Variants in CATSPER2 observed in about 807,000 individuals in gnomAD.
CATSPER2 encodes the protein cation channel sperm-associated protein 2.
Under a neutral mutation model 68.8 loss-of-function variants are expected in CATSPER2, and 56 were observed. The ratio of observed to expected loss-of-function variants is 0.81; its 90% confidence interval spans 0.66 to 1.02. The LOEUF (loss-of-function observed/expected upper bound fraction) is 1.02. Among genes scored for constraint, CATSPER2 ranks in the 50% least tolerant of loss-of-function variants. The probability of loss-of-function intolerance (pLI) is 0.00; values close to 1 mark genes in which losing one functional copy is unlikely to be tolerated. For missense variants in CATSPER2, 582 were observed against 642.0 expected, an observed-to-expected ratio of 0.91 and a Z score of 1.01; for synonymous variants, 198 against 229.9, an observed-to-expected ratio of 0.86 and a Z score of 1.26.
Position 43,630,458 on chromosome 15 carries a change from G to A in CATSPER2, c.*243C>T. 2.2e-5 allele frequency: 16 copies of A among 727,674 alleles called. No homozygotes were observed. In the South Asian group the frequency reaches 2.8e-4, roughly 13 times the overall value. 45.1% of individuals were successfully genotyped at this position (727,674 alleles called of 1,614,324 possible). ...CAACCTCTGACTCCCAGGTTCAAGT[G>A]ATTCTCCTGCCTCAGGCTCCCAAGT... is the stretch of plus-strand genomic sequence containing the variant. On this transcript the variant is annotated 3_prime_UTR_variant, in exon 13 of 13. Transcript: ENST00000396879.
intron 10 of CATSPER2, 154 bp downstream of exon 10, chr15:43,635,206 C>T (rs2085942019): frequency 3.9e-6 from 3 of 767,638 alleles, no homozygotes; most frequent in East Asian, 5.0e-5. Context: ...GGAGCAAAGA[C>T]ATGGACATAT....
At chr15:43,641,121 T>C (rs1448350004) in intron 4 of CATSPER2, among the ~76,000 whole-genome samples, 1 of 137,648 alleles carries the variant, frequency 7.3e-6, no homozygotes, top group African/African-American at 3.3e-5. Context: ...TTTTGTTTTT[T>C]GTTTTTTTTT....
chr15:43,636,064 C>G lies in CATSPER2; in HGVS notation c.998G>C (p.Arg333Pro). ...LWLLLGSIIF[R>P]SIIVAMMVTN... ...ACCCATCATGGCTACTATGATACTT[C>G]GAAAGATAATGGAGCCAAGCAACAA... The change falls in exon 8 of 13, where the codon CGA (arginine) becomes CCA (proline). Residue 333 changes from arginine (R) to proline (P), a missense_variant. By Grantham distance (103) the Arg-to-Pro change is moderately radical. Around this residue, in one of 5 missense-constraint regions of CATSPER2, gnomAD observed 235 missense variants for 264.2 expected, o/e 0.89. Coordinates refer to ENST00000396879, the MANE Select transcript of CATSPER2 (RefSeq NM_172095.4). 1 of 1,581,806 alleles carries G rather than the reference C, an allele frequency of 6.3e-7. No individual in the cohort carries two copies. The highest frequency in any genetic ancestry group is 8.7e-7 in the Non-Finnish European group (1 of 1,153,866).
intron 7 of CATSPER2, among the ~76,000 whole-genome samples, chr15:43,638,646 T>C (rs1212108529): frequency 1.3e-5 from 2 of 151,872 alleles, no homozygotes; most frequent in African/African-American, 2.4e-5. Flanking sequence ...TGGAGTGTAC[T>C]GCTATTTAAA....
Position 43,647,955 on chromosome 15 carries a change from C to T in CATSPER2, c.107G>A (p.Ser36Asn), listed in dbSNP as rs376157637. 1.6e-5 allele frequency: 26 copies of T among 1,613,578 alleles called. No homozygotes were observed. Among genetic ancestry groups the T allele is most frequent in the Non-Finnish European group, 2.1e-5 (25 of 1,179,820 alleles). The change falls in exon 2 of 13, where the codon AGC becomes AAC. Residue 36 changes from serine to asparagine, a missense_variant. This residue lies in a region of CATSPER2 where 197 missense variants were observed against 191.0 expected (regional missense o/e 1.03). Transcript: ENST00000396879. Reference protein sequence around the residue: ...FSLIEHLQGLSQAVPRHTIRE... With the variant: ...FSLIEHLQGLNQAVPRHTIRE... ...GATAGTGTGCCGCGGCACAGCTTGGCTCAAGCCTTGCAAATGCTCAATGAG... is the reference window on the plus strand; with the variant it reads ...GATAGTGTGCCGCGGCACAGCTTGGTTCAAGCCTTGCAAATGCTCAATGAG...
At position 43,647,334 on chromosome 15, in the gene CATSPER2, C is replaced by G. The variant is rs780665141; in HGVS notation, c.279G>C (p.Gln93His). 6.2e-7 allele frequency: 1 copy of G among 1,612,498 alleles called. No homozygotes were observed. The highest frequency in any genetic ancestry group is 8.5e-7 in the Non-Finnish European group (1 of 1,178,698). The change falls in exon 3 of 13, where the codon CAG becomes CAC. Residue 93 changes from glutamine (Q) to histidine (H), a missense_variant. Around this residue, in one of 5 missense-constraint regions of CATSPER2, gnomAD observed 197 missense variants for 191.0 expected, o/e 1.03. Coordinates refer to ENST00000396879, the MANE Select transcript of CATSPER2 (RefSeq NM_172095.4). Reference sequence around the variant, plus strand: ...CGGCCCACAAAGAAAGAGGTGGCCTCTGACTGCAGCGCACATGAAGCCTGC... The same window carrying G: ...CGGCCCACAAAGAAAGAGGTGGCCTGTGACTGCAGCGCACATGAAGCCTGC... ...LLSRLHVRCSQRPPLSLWAGW... is the reference protein window; with the variant it reads ...LLSRLHVRCSHRPPLSLWAGW...
Position 43,638,966 on chromosome 15 carries a change from G to GA in CATSPER2, c.779dup (p.Tyr261LeufsTer51). Reference sequence around the variant, plus strand: ...AACGGGTGTACTCTGAGAAGACGTAGACACCAGTCACAGCAAAAATGTAGA... The same window carrying GA: ...AACGGGTGTACTCTGAGAAGACGTAGAACACCAGTCACAGCAAAAATGTAGA... On this transcript the variant is annotated frameshift_variant, in exon 7 of 13. Transcript: ENST00000396879. LOFTEE classifies it high-confidence loss of function. 1 of 1,613,164 alleles carries GA rather than the reference G, an allele frequency of 6.2e-7. No individual in the cohort carries two copies. Among genetic ancestry groups the GA allele is most frequent in the Non-Finnish European group, 8.5e-7 (1 of 1,179,476 alleles).
intron 4 of CATSPER2, 55 bp downstream of exon 4, chr15:43,646,995 G>T (rs1397123432): frequency 3.4e-6 from 5 of 1,468,378 alleles, no homozygotes; most frequent in Non-Finnish European, 4.8e-6. Flanking sequence ...AGGATTACAC[G>T]TGTGAGCCGG....
intron 4 of CATSPER2, among the ~76,000 whole-genome samples, chr15:43,643,292 T>A (rs2086104069): frequency 6.6e-6 from 1 of 152,012 alleles, no homozygotes; most frequent in Non-Finnish European, 1.5e-5. Flanking sequence ...TTTTTAGTAA[T>A]GTTTTGGCTA....
At chr15:43,639,125 T>C in intron 6 of CATSPER2, 97 bp from the exon 7 acceptor site, 1 of 1,412,962 alleles carries the variant, frequency 7.1e-7, no homozygotes, top group South Asian at 1.2e-5. Flanking sequence ...CACCAAACCC[T>C]CTCTTGCACT....
At chr15:43,632,147 T>C in intron 12 of CATSPER2, 52 bp downstream of exon 12, 6 of 1,585,538 alleles carry the variant, frequency 3.8e-6, no homozygotes, top group Non-Finnish European at 5.2e-6. Context: ...TCCACAGCTA[T>C]AAACGCTATA....
intron 10 of CATSPER2, chr15:43,633,260 A>G (rs1387948623): frequency 2.6e-5 from 10 of 388,820 alleles, no homozygotes; most frequent in Non-Finnish European, 4.8e-5. Flanking sequence ...CTCCCAACTG[A>G]TCTCTCTACT....
At chr15:43,636,872 C>T (rs2470120) in intron 7 of CATSPER2, among the ~76,000 whole-genome samples, 2 of 149,998 alleles carry the variant, frequency 1.3e-5, no homozygotes, top group Non-Finnish European at 3.0e-5. Context: ...CTATCATCCA[C>T]GCTGGAGTTG....
intron 11 of CATSPER2, 68 bp from the exon 12 acceptor site, chr15:43,632,431 C>T: frequency 6.3e-7 from 1 of 1,586,174 alleles, no homozygotes; most frequent in East Asian, 2.3e-5. Context: ...CTGGTAAATC[C>T]TATGGTGTGG....
chr15:43,630,661 T>C lies in CATSPER2; in HGVS notation c.*40A>G. The C allele has an allele frequency of 6.2e-7, 1 of 1,609,788 alleles. No individual in the cohort carries two copies. The highest frequency in any genetic ancestry group is 1.1e-5 in the South Asian group (1 of 90,842). ...CTATTTCCAACAATTCCCTTCATTA[T>C]CTTTTGCTGGGCCCAAGGATATTGA... On this transcript the variant is annotated 3_prime_UTR_variant, in exon 13 of 13. Transcript: ENST00000396879.
chr15:43,647,963 T>C lies in CATSPER2; in HGVS notation c.99A>G (p.Gln33=). The change falls in exon 2 of 13, where the codon CAA becomes CAG. Residue 33 remains glutamine, a synonymous_variant. Coordinates refer to ENST00000396879, the MANE Select transcript of CATSPER2 (RefSeq NM_172095.4). ...GCCGCGGCACAGCTTGGCTCAAGCC[T>C]TGCAAATGCTCAATGAGAGAGAAAG... The part of the protein sequence containing the change: ...IDTFSLIEHL[Q]GLSQAVPRHT... The C allele has an allele frequency of 6.2e-7, 1 of 1,613,722 alleles. No homozygotes were observed. The highest frequency in any genetic ancestry group is 8.5e-7 in the Non-Finnish European group (1 of 1,179,768).
chr15:43,647,408 T>C lies in CATSPER2; in HGVS notation c.205A>G (p.Ile69Val). The C allele has an allele frequency of 2.5e-6, 4 of 1,613,596 alleles. No individual in the cohort carries two copies. The highest frequency in any genetic ancestry group is 3.4e-6 in the Non-Finnish European group (4 of 1,179,664). ...ATCTGTTCTATACGCTGAGGCTTTA[T>C]AGAGAAACGCACTAGCTGGTGTTGA... ...GDQHQLVRFS[I>V]KPQRIEQISH... The change falls in exon 3 of 13, where the codon ATA becomes GTA. Residue 69 changes from isoleucine (I) to valine (V), a missense_variant. This residue lies in a region of CATSPER2 where 197 missense variants were observed against 191.0 expected (regional missense o/e 1.03). Transcript: ENST00000396879.
Position 43,647,371 on chromosome 15 carries a change from T to C in CATSPER2, c.242A>G (p.Gln81Arg), listed in dbSNP as rs1308504975. Reference protein sequence around the residue: ...PQRIEQISHAQRLLSRLHVRC... With the variant: ...PQRIEQISHARRLLSRLHVRC... ...CACATGAAGCCTGCTCAACAGCCTC[T>C]GGGCATGTGAAATCTGTTCTATACG... is the stretch of plus-strand genomic sequence containing the variant. Residue 81 changes from glutamine to arginine, a missense_variant, in exon 3 of 13, where the codon CAG becomes CGG. Physicochemically the swap from Gln to Arg is conservative, Grantham distance 43. Transcript: ENST00000396879. The C allele has an allele frequency of 2.5e-6, 4 of 1,613,166 alleles. No homozygotes were observed. The highest frequency in any genetic ancestry group is 1.7e-5 in the Admixed American group (1 of 59,998).
At chr15:43,648,275 A>G (rs1228691210) in intron 1 of CATSPER2, among the ~76,000 whole-genome samples, 1 of 151,946 alleles carries the variant, frequency 6.6e-6, no homozygotes. Context: ...AAGACATTGC[A>G]CAGTCGACCA....
Sources: allele counts gnomAD v4.1 joint callset (sites outside exome capture counted in the v4.1 genomes callset), GRCh38; gene constraint gnomAD v4.1.1; regional missense constraint gnomAD v4.1.1; transcripts MANE v1.5; gene names NCBI Gene and HGNC (gene_info 2026-07-23, HGNC 2026-07-21).